COL25A1: variants seen among roughly 807,000 people sequenced by gnomAD.
COL25A1 encodes collagen type XXV alpha 1 chain.
COL25A1 carries 103 observed loss-of-function variants against 128.4 expected under a neutral mutation model. The ratio of observed to expected loss-of-function variants is 0.80; its 90% confidence interval spans 0.68 to 0.94. The LOEUF is 0.94. Among genes scored for constraint, COL25A1 ranks in the 40% least tolerant of loss-of-function variants. COL25A1 has a pLI of 0.00. For synonymous variants in COL25A1, 279 were observed against 277.2 expected, an observed-to-expected ratio of 1.01 and a Z score of -0.06; for missense variants, 745 against 840.0, an observed-to-expected ratio of 0.89 and a Z score of 1.40.
At chr4:109,021,980 G>A (rs1332730953) in intron 5 of COL25A1, among the ~76,000 whole-genome samples, 1 of 152,184 alleles carries the variant, frequency 6.6e-6, no homozygotes, top group Non-Finnish European at 1.5e-5. Context: ...GCTGAACATA[G>A]ACCCTTATCA....
intron 3 of COL25A1, among the ~76,000 whole-genome samples, chr4:109,133,524 G>A (rs1019126251): frequency 2.0e-5 from 3 of 151,922 alleles, no homozygotes; most frequent in African/African-American, 7.2e-5. Context: ...CCAAGAAAGG[G>A]CCAAATTTGC....
chr4:109,096,068 A>C (rs530683700), intron 3 of COL25A1, among the ~76,000 whole-genome samples: 10 of 152,326 alleles, frequency 6.6e-5, no homozygotes, highest in African/African-American at 2.4e-4. Flanking sequence ...CTATAGAACA[A>C]TGGGTTGGCG....
chr4:109,291,782 A>G (rs1175177510), intron 3 of COL25A1, among the ~76,000 whole-genome samples: 1 of 152,112 alleles, frequency 6.6e-6, no homozygotes, highest in Non-Finnish European at 1.5e-5. Context: ...TTAAAAAATA[A>G]GTGACTTTAA....
chr4:108,859,558 T>C, intron 24 of COL25A1, 98 bp downstream of exon 24: 2 of 932,690 alleles, frequency 2.1e-6, no homozygotes, highest in Non-Finnish European at 3.2e-6. Flanking sequence ...TGGAGTCCTC[T>C]GAGGATAGAG....
rs1782216618 is a variant in COL25A1 at position 109,271,819 on chromosome 4, C to T, written c.367+28764G>A. ...TATAATTTTATAGTATCACACTAAA[C>T]TTTTTCAAAGAATTTGCAGGAAAAA... On this transcript the variant is annotated intron_variant, in intron 3 of 37. Transcript: ENST00000399132. Among the ~76,000 whole-genome samples, 8 of 152,138 alleles carry T rather than the reference C, an allele frequency of 5.3e-5. No individual in the cohort carries two copies. The South Asian group carries it at 1.7e-3, about 31-fold the overall frequency.
At chr4:109,238,175 C>T (rs1779596396) in intron 3 of COL25A1, among the ~76,000 whole-genome samples, 1 of 152,014 alleles carries the variant, frequency 6.6e-6, no homozygotes, top group Non-Finnish European at 1.5e-5. Context: ...GAGGTATACA[C>T]CCATAAGTGG....
intron 19 of COL25A1, among the ~76,000 whole-genome samples, chr4:108,873,627 A>G (rs1472951024): frequency 6.6e-6 from 1 of 151,966 alleles, no homozygotes; most frequent in Admixed American, 6.6e-5. Context: ...CCTAATTGGT[A>G]ATATACAAAG....
intron 3 of COL25A1, among the ~76,000 whole-genome samples, chr4:109,300,040 G>C (rs1045125073): frequency 2.6e-5 from 4 of 152,248 alleles, no homozygotes; most frequent in Middle Eastern, 3.4e-3. Context: ...GGAAGCTCAA[G>C]ATAAAGAAAT....
chr4:109,247,692 G>A (rs1780366057), intron 3 of COL25A1, among the ~76,000 whole-genome samples: 2 of 152,160 alleles, frequency 1.3e-5, no homozygotes, highest in Non-Finnish European at 2.9e-5. Context: ...AACATGCTAG[G>A]TGGGAAGTAA....
chr4:109,103,933 A>G (rs1312952443), intron 3 of COL25A1, among the ~76,000 whole-genome samples: 3 of 152,150 alleles, frequency 2.0e-5, no homozygotes, highest in African/African-American at 7.2e-5. Flanking sequence ...ACTGATAAAG[A>G]AAAAGACTTA....
chr4:109,164,956 G>A (rs988688014), intron 3 of COL25A1, among the ~76,000 whole-genome samples: 35 of 152,020 alleles, frequency 2.3e-4, no homozygotes, highest in Admixed American at 6.6e-4. Context: ...CCAAACCATT[G>A]AGCTCTACTT....
chr4:108,868,293 A>G (rs561622523), intron 20 of COL25A1, among the ~76,000 whole-genome samples: 1 of 152,248 alleles, frequency 6.6e-6, no homozygotes, highest in East Asian at 1.9e-4. Flanking sequence ...AAGGCTTTCT[A>G]GATTAACTTT....
chr4:109,065,541 CGCGCGTGTGTGTGTGT>C (rs1762361503), intron 3 of COL25A1, among the ~76,000 whole-genome samples: 1 of 133,474 alleles, frequency 7.5e-6, no homozygotes, highest in South Asian at 2.3e-4. Context: ...CACGCGCGCG[CGCGCGTGTGTGTGTGT>C]GTGTGTGTGT....
chr4:109,239,394 G>GTGTGTGTGTATA (rs1491198097), intron 3 of COL25A1, among the ~76,000 whole-genome samples: 1 of 116,582 alleles, frequency 8.6e-6, no homozygotes, highest in African/African-American at 3.7e-5. Flanking sequence ...GTGTGTGTGT[G>GTGTGTGTGTATA]TATATATATA....
chr4:109,077,009 C>T (rs1299860584), intron 3 of COL25A1, among the ~76,000 whole-genome samples: 1 of 152,120 alleles, frequency 6.6e-6, no homozygotes, highest in Non-Finnish European at 1.5e-5. Flanking sequence ...TTCTAAGAGG[C>T]CATGGACCGA....
At chr4:108,852,953 AGAG>A (rs772062546) in intron 24 of COL25A1, 28 bp from the exon 25 acceptor site, 9 of 1,600,770 alleles carry the variant, frequency 5.6e-6, no homozygotes, top group Non-Finnish European at 6.8e-6. Context: ...TGACAAAGAC[AGAG>A]TTATCTATTT....
At chr4:109,275,866 G>C (rs1053762075) in intron 3 of COL25A1, among the ~76,000 whole-genome samples, 8 of 152,128 alleles carry the variant, frequency 5.3e-5, no homozygotes, top group Non-Finnish European at 8.8e-5. Context: ...AATGGCAAGA[G>C]GCCTTCTACA....
At chr4:108,881,708 C>T (rs547669638) in intron 19 of COL25A1, among the ~76,000 whole-genome samples, 15 of 152,136 alleles carry the variant, frequency 9.9e-5, no homozygotes, top group Non-Finnish European at 1.5e-4. Flanking sequence ...GCCTTTAGCT[C>T]TACATTTATA....
At chr4:109,197,762 C>A (rs543442168) in intron 3 of COL25A1, among the ~76,000 whole-genome samples, 1 of 151,708 alleles carries the variant, frequency 6.6e-6, no homozygotes, top group African/African-American at 2.4e-5. Flanking sequence ...CAATACTTGA[C>A]AATATGCATG....
Sources: allele counts gnomAD v4.1 joint callset (sites outside exome capture counted in the v4.1 genomes callset), GRCh38; gene constraint gnomAD v4.1.1; transcripts MANE v1.5; gene names NCBI Gene and HGNC (gene_info 2026-07-23, HGNC 2026-07-21).